Variants in MROH1 observed in about 807,000 individuals in gnomAD.
MROH1 encodes maestro heat-like repeat-containing protein family member 1.
A neutral mutation model predicts 116.5 loss-of-function variants in MROH1; 117 were observed. That is an observed-to-expected ratio of 1.00 (90% CI 0.86 to 1.17). The LOEUF (loss-of-function observed/expected upper bound fraction) is 1.17. Among genes scored for constraint, MROH1 ranks in the 50% most tolerant of loss-of-function variants. The pLI is 0.00. For synonymous variants in MROH1, 921 were observed against 583.9 expected, an observed-to-expected ratio of 1.58 and a Z score of -8.32; for missense variants, 1,873 against 1,338.5, an observed-to-expected ratio of 1.40 and a Z score of -6.23.
chr8:144,157,215 C>G (rs1818371160), intron 1 of MROH1, among the ~76,000 whole-genome samples: 1 of 152,110 alleles, frequency 6.6e-6, no homozygotes, highest in Non-Finnish European at 1.5e-5. Flanking sequence ...CTCAGCCTCC[C>G]AAAGTGCTGG....
chr8:144,171,336 C>G (rs1044924241), intron 4 of MROH1, among the ~76,000 whole-genome samples: 1 of 152,162 alleles, frequency 6.6e-6, no homozygotes, highest in Non-Finnish European at 1.5e-5. Context: ...CAGGCTGTGA[C>G]GAAGGGTGCG....
At chr8:144,179,210 G>T (rs774801573) in intron 4 of MROH1, among the ~76,000 whole-genome samples, 1 of 152,068 alleles carries the variant, frequency 6.6e-6, no homozygotes, top group Non-Finnish European at 1.5e-5. Context: ...GAAGCCCCCC[G>T]CCTCGCCCTC....
rs927502487 is a variant in MROH1 at position 144,247,602 on chromosome 8, C to G, written c.3043C>G (p.Arg1015Gly). The G allele has an allele frequency of 2.6e-6, 2 of 772,212 alleles. No homozygotes were observed. The highest frequency in any genetic ancestry group is 1.7e-5 in the African/African-American group (1 of 59,052). The allele number at this position is 772,212 out of a possible 1,614,324, so 47.8% of individuals were successfully genotyped here. ...GGACTACCGCGATGACGTGGCGGAG[C>G]GGCTCCTCAGCCTCAAGGACGGCCT... ...SRDYRDDVAE[R>G]LLSLKDGLVH... The change falls in exon 31 of 44, where the codon CGG becomes GGG. Residue 1015 changes from arginine (R) to glycine (G), a missense_variant. Transcript: ENST00000326134.
chr8:144,186,140 A>C (rs1479520089), intron 7 of MROH1, among the ~76,000 whole-genome samples: 1 of 100,580 alleles, frequency 9.9e-6, no homozygotes, highest in African/African-American at 3.5e-5. Flanking sequence ...TTTTTTTTGG[A>C]GACAGGGTCT....
intron 29 of MROH1, among the ~76,000 whole-genome samples, chr8:144,246,028 T>G (rs1841837802): frequency 2.4e-5 from 1 of 41,790 alleles, no homozygotes; most frequent in African/African-American, 1.3e-4. Context: ...CCTCCCTCCC[T>G]CACCTCCCTC....
intron 12 of MROH1, among the ~76,000 whole-genome samples, chr8:144,214,933 A>C (rs1172671570): frequency 1.3e-5 from 2 of 152,332 alleles, no homozygotes; most frequent in South Asian, 2.1e-4. Context: ...GTTGGAGGGC[A>C]GGAAGCATCC....
At chr8:144,162,671 A>G (rs1438409392) in intron 2 of MROH1, among the ~76,000 whole-genome samples, 1 of 150,214 alleles carries the variant, frequency 6.7e-6, no homozygotes, top group African/African-American at 2.5e-5. Flanking sequence ...TGCTGGAATT[A>G]CAGGCATGAG....
intron 14 of MROH1, among the ~76,000 whole-genome samples, chr8:144,228,732 G>A (rs2132558474): frequency 6.6e-6 from 1 of 152,308 alleles, no homozygotes; most frequent in South Asian, 2.1e-4. Flanking sequence ...AAAGTGCTGG[G>A]ATTACAGGCG....
At chr8:144,230,455 G>A (rs1384933818) in intron 14 of MROH1, among the ~76,000 whole-genome samples, 1 of 148,890 alleles carries the variant, frequency 6.7e-6, no homozygotes. Context: ...CCTTTAGCCT[G>A]TGTCAGCTTT....
intron 37 of MROH1, among the ~76,000 whole-genome samples, 198 bp downstream of exon 37, chr8:144,259,552 AGAG>A (rs1194285155): frequency 1.3e-5 from 2 of 152,188 alleles, no homozygotes; most frequent in South Asian, 2.1e-4. Flanking sequence ...GTGCCTGGTG[AGAG>A]GAGGACCGAG....
At chr8:144,162,839 C>T (rs955741808) in intron 2 of MROH1, among the ~76,000 whole-genome samples, 21 of 151,160 alleles carry the variant, frequency 1.4e-4, no homozygotes, top group Admixed American at 3.3e-4. Flanking sequence ...TCTCATGCCT[C>T]AGCTCCCTGA....
Position 144,240,574 on chromosome 8 carries a change from T to C in MROH1, c.1832T>C (p.Leu611Pro). The part of the protein sequence containing the change: ...EEWEEKLLMF[L>P]RDTLAIISDN... ...CAGTGGCATCTTGGCCTGCAGTTCC[T>C]GCGAGACACCCTGGCCATCATTTCT... The change falls in exon 20 of 44, where the codon CTG (leucine) becomes CCG (proline). Residue 611 changes from leucine (L) to proline (P), a missense_variant. Leu to Pro is a moderately conservative substitution (Grantham distance 98). Coordinates refer to ENST00000326134, the MANE Select transcript of MROH1 (RefSeq NM_032450.3). 1.4e-6 allele frequency: 1 copy of C among 716,802 alleles called. No individual in the cohort carries two copies. The highest frequency in any genetic ancestry group is 2.0e-5 in the Admixed American group (1 of 50,018). The allele number at this position is 716,802 out of a possible 1,614,324, so 44.4% of individuals were successfully genotyped here.
intron 4 of MROH1, among the ~76,000 whole-genome samples, chr8:144,172,464 G>T (rs1304497048): frequency 1.3e-5 from 2 of 150,924 alleles, no homozygotes; most frequent in South Asian, 2.1e-4. Context: ...CAAGCTGGAG[G>T]GCAATGGCGC....
chr8:144,256,426 A>G (rs1554833084), intron 35 of MROH1, among the ~76,000 whole-genome samples: 1 of 138,926 alleles, frequency 7.2e-6, no homozygotes, highest in Non-Finnish European at 1.6e-5. Flanking sequence ...GCCAGGACAC[A>G]CCAGGGGGAC....
Position 144,179,443 on chromosome 8 carries a change from G to A in MROH1, c.169-12G>A. 6.2e-7 allele frequency: 1 copy of A among 1,612,950 alleles called. No homozygotes were observed. The highest frequency in any genetic ancestry group is 8.5e-7 in the Non-Finnish European group (1 of 1,179,516). The stretch of plus-strand genomic sequence containing the variant: ...CTCACCTGGGACCGACCTGGACGGT[G>A]TCTCTCCGCAGCTGGCACACCCATA... On this transcript the variant is annotated splice_polypyrimidine_tract_variant and intron_variant, in intron 4 of 43. Coordinates refer to ENST00000326134, the MANE Select transcript of MROH1 (RefSeq NM_032450.3).
At chr8:144,227,862 A>G (rs1588340706) in intron 14 of MROH1, among the ~76,000 whole-genome samples, 1 of 152,098 alleles carries the variant, frequency 6.6e-6, no homozygotes, top group Non-Finnish European at 1.5e-5. Context: ...CTGAGGTGGG[A>G]GGATCATTTG....
chr8:144,152,555 A>ATTATTATTATTTT (rs1369841266), intron 1 of MROH1, among the ~76,000 whole-genome samples: 27 of 130,586 alleles, frequency 2.1e-4, no homozygotes, highest in African/African-American at 7.5e-4. Flanking sequence ...TATTATTATT[A>ATTATTATTATTTT]TTTTTTTTTT....
intron 14 of MROH1, among the ~76,000 whole-genome samples, chr8:144,226,581 T>C (rs1334744259): frequency 1.3e-5 from 2 of 152,122 alleles, no homozygotes; most frequent in South Asian, 2.1e-4. Flanking sequence ...GCCTCCTGAG[T>C]AGCTGGGATT....
In MROH1 at chr8:144,238,838, G is replaced by T; in HGVS notation, c.1421G>T (p.Ser474Ile). ...AISVRTLYLV[S>I]TTVDRMSHVL... ...AGCGTGCGCACCCTCTACCTGGTCA[G>T]CACCACCGTGGACAGGATGAGTCAC... Residue 474 changes from serine to isoleucine, a missense_variant, in exon 15 of 44, where the codon AGC (serine) becomes ATC (isoleucine). Transcript: ENST00000326134. 1 of 774,680 alleles carries T rather than the reference G, an allele frequency of 1.3e-6. No homozygotes were observed. The allele number at this position is 774,680 out of a possible 1,614,324, so 48.0% of individuals were successfully genotyped here.
Sources: gnomAD v4.1 joint callset for allele counts (sites outside exome capture counted in the v4.1 genomes callset) on GRCh38, gnomAD v4.1.1 for gene constraint, MANE v1.5 for transcripts, NCBI Gene and HGNC (gene_info 2026-07-23, HGNC 2026-07-21) for gene names.